The following SAMTOR variants were observed in gnomAD, a reference collection of about 807,000 sequenced individuals.
SAMTOR encodes UPF0532 protein C7orf60.
chr7:112,920,504 G>A, the SAMTOR span, among the ~76,000 whole-genome samples: 3 of 149,260 alleles, frequency 2.0e-5, no homozygotes, highest in Non-Finnish European at 3.0e-5. Context: ...TACTGAATGG[G>A]CAAAAACTGG....
chr7:112,875,871 C>G, the SAMTOR span, among the ~76,000 whole-genome samples: 10 of 152,296 alleles, frequency 6.6e-5, no homozygotes, highest in Non-Finnish European at 1.0e-4. Context: ...GTTGAAGTTT[C>G]TCTCTTTCTA....
At chr7:112,922,999 A>G in the SAMTOR span, among the ~76,000 whole-genome samples, 1 of 152,114 alleles carries the variant, frequency 6.6e-6, no homozygotes, top group South Asian at 2.1e-4. Flanking sequence ...CACTGAGAAC[A>G]GGCCATGATG....
the SAMTOR span, among the ~76,000 whole-genome samples, chr7:112,866,547 C>T: frequency 7.2e-5 from 11 of 152,278 alleles, no homozygotes; most frequent in East Asian, 1.5e-3. Context: ...GAAGGAAGGG[C>T]GTGAGTTCTA....
At chr7:112,880,015 T>A in the SAMTOR span, among the ~76,000 whole-genome samples, 1 of 152,168 alleles carries the variant, frequency 6.6e-6, no homozygotes, top group Non-Finnish European at 1.5e-5. Context: ...ACATTAAGAA[T>A]CTTATAAACA....
At chr7:112,832,137 G>C in the SAMTOR span, among the ~76,000 whole-genome samples, 1 of 151,536 alleles carries the variant, frequency 6.6e-6, no homozygotes, top group Non-Finnish European at 1.5e-5. Context: ...TCAGCCTCCT[G>C]AGTAGCTGGG....
At chr7:112,855,691 C>G in the SAMTOR span, among the ~76,000 whole-genome samples, 2 of 152,076 alleles carry the variant, frequency 1.3e-5, no homozygotes, top group African/African-American at 4.8e-5. Flanking sequence ...CCCTCTTTTC[C>G]CCTCCTCTTC....
the SAMTOR span, among the ~76,000 whole-genome samples, chr7:112,840,270 T>G: frequency 2.6e-5 from 4 of 151,924 alleles, no homozygotes; most frequent in East Asian, 7.7e-4. Flanking sequence ...TTTGAAAATT[T>G]TACATTGCCT....
chr7:112,874,591 T>A, the SAMTOR span, among the ~76,000 whole-genome samples: 2 of 152,222 alleles, frequency 1.3e-5, no homozygotes, highest in South Asian at 2.1e-4. Context: ...AACCTCAGTA[T>A]CACGCAACAT....
chr7:112,875,697 C>T, the SAMTOR span, among the ~76,000 whole-genome samples: 1 of 152,076 alleles, frequency 6.6e-6, no homozygotes, highest in Admixed American at 6.5e-5. Context: ...ATTTAGATGT[C>T]ACCCTTAACA....
At chr7:112,899,837 C>T in the SAMTOR span, among the ~76,000 whole-genome samples, 213 of 146,674 alleles carry the variant, frequency 1.5e-3, 2 homozygotes, top group Middle Eastern at 7.7e-3. Context: ...TACTGTACCC[C>T]GCAAAGCTAT....
chr7:112,911,688 T>C, the SAMTOR span, among the ~76,000 whole-genome samples: 17 of 151,584 alleles, frequency 1.1e-4, no homozygotes, highest in African/African-American at 2.7e-4. Context: ...ACAACCCAAA[T>C]GGACAAAAAC....
chr7:112,885,539 T>C, the SAMTOR span, among the ~76,000 whole-genome samples: 8 of 152,144 alleles, frequency 5.3e-5, no homozygotes, highest in Non-Finnish European at 1.5e-5. Flanking sequence ...TCTCTTTGCA[T>C]AGGATGAGTG....
At chr7:112,926,732 T>C in the SAMTOR span, among the ~76,000 whole-genome samples, 1 of 152,188 alleles carries the variant, frequency 6.6e-6, no homozygotes, top group African/African-American at 2.4e-5. Flanking sequence ...GAAAATAAAG[T>C]TAATGAGCAG....
the SAMTOR span, among the ~76,000 whole-genome samples, chr7:112,860,447 T>C: frequency 6.6e-6 from 1 of 152,202 alleles, no homozygotes; most frequent in Non-Finnish European, 1.5e-5. Context: ...GCATCCCTGC[T>C]ATTCGTTCCC....
chr7:112,906,016 C>G, the SAMTOR span, among the ~76,000 whole-genome samples: 2 of 152,156 alleles, frequency 1.3e-5, no homozygotes, highest in African/African-American at 4.8e-5. Context: ...AAAGAAAATT[C>G]ATTAAAATGG....
At chr7:112,826,358 C>A in the SAMTOR span, among the ~76,000 whole-genome samples, 34 of 152,076 alleles carry the variant, frequency 2.2e-4, no homozygotes, top group Admixed American at 2.2e-3. Context: ...AGATTTAGGG[C>A]CATTCATCTT....
the SAMTOR span, among the ~76,000 whole-genome samples, chr7:112,893,233 A>G: frequency 6.6e-6 from 1 of 152,224 alleles, no homozygotes; most frequent in Non-Finnish European, 1.5e-5. Flanking sequence ...AACTCCTAAA[A>G]GGCGCCTTCT....
the SAMTOR span, among the ~76,000 whole-genome samples, chr7:112,910,846 A>G: frequency 1.3e-5 from 2 of 152,196 alleles, no homozygotes; most frequent in Non-Finnish European, 2.9e-5. Flanking sequence ...ACACAAAACT[A>G]GTTTGGAATT....
chr7:112,894,703 C>T, the SAMTOR span, among the ~76,000 whole-genome samples: 1 of 152,190 alleles, frequency 6.6e-6, no homozygotes, highest in Admixed American at 6.5e-5. Context: ...GGAAACCGCC[C>T]CCATGATTCA....
Sources: allele counts gnomAD v4.1 joint callset (sites outside exome capture counted in the v4.1 genomes callset), GRCh38; gene constraint gnomAD v4.1.1; transcripts MANE v1.5; gene names NCBI Gene and HGNC (gene_info 2026-07-23, HGNC 2026-07-21).